DIAPH3: variants seen among roughly 807,000 people sequenced by gnomAD.
DIAPH3 encodes the protein diaphanous related formin 3, also known as protein diaphanous homolog 3.
DIAPH3 carries 117 observed loss-of-function variants against 144.3 expected under a neutral mutation model. The ratio of observed to expected loss-of-function variants is 0.81; its 90% CI spans 0.70 to 0.95. The LOEUF is 0.95. DIAPH3 is among the 40% of genes least tolerant of loss of function. The pLI is 0.00. For synonymous variants in DIAPH3, 519 were observed against 488.9 expected, an observed-to-expected ratio of 1.06 and a Z score of -0.81; for missense variants, 1,421 against 1,412.7, an observed-to-expected ratio of 1.01 and a Z score of -0.09.
chr13:59,837,119 T>G (rs2042080248), intron 23 of DIAPH3, among the ~76,000 whole-genome samples: 1 of 152,024 alleles, frequency 6.6e-6, no homozygotes, highest in South Asian at 2.1e-4. Context: ...ATTATAAGCT[T>G]TGTCAATAGC....
chr13:59,966,631 A>G (rs1442534027), intron 17 of DIAPH3, among the ~76,000 whole-genome samples: 5 of 152,154 alleles, frequency 3.3e-5, no homozygotes, highest in African/African-American at 1.2e-4. Flanking sequence ...AAAAAGCCCC[A>G]CTTACTTGAC....
chr13:59,719,069 T>C (rs1357914718), intron 27 of DIAPH3, among the ~76,000 whole-genome samples: 2 of 152,206 alleles, frequency 1.3e-5, no homozygotes, highest in Non-Finnish European at 2.9e-5. Flanking sequence ...TTTTTCTAAA[T>C]AGCACTCAAT....
chr13:59,800,052 T>C (rs540209901), intron 25 of DIAPH3, among the ~76,000 whole-genome samples: 2 of 152,240 alleles, frequency 1.3e-5, no homozygotes, highest in South Asian at 2.1e-4. Context: ...ATACACCAAA[T>C]TGTCAAAACT....
At chr13:59,929,649 G>A (rs1397287442) in intron 17 of DIAPH3, among the ~76,000 whole-genome samples, 3 of 127,378 alleles carry the variant, frequency 2.4e-5, no homozygotes, top group South Asian at 2.8e-4. Flanking sequence ...TGCAACCTCC[G>A]CCTCCCAGGT....
chr13:59,696,788 G>A (rs780941158), intron 27 of DIAPH3, among the ~76,000 whole-genome samples: 1 of 152,010 alleles, frequency 6.6e-6, no homozygotes, highest in South Asian at 2.1e-4. Flanking sequence ...GTAGGTTCCC[G>A]ATTTTATGTA....
At chr13:60,067,597 G>A (rs368032833) in intron 4 of DIAPH3, among the ~76,000 whole-genome samples, 3 of 152,254 alleles carry the variant, frequency 2.0e-5, no homozygotes, top group South Asian at 4.1e-4. Context: ...TATGCCTGGA[G>A]ATTTATTTTA....
At chr13:59,726,460 G>T (rs891420972) in intron 27 of DIAPH3, among the ~76,000 whole-genome samples, 2 of 152,158 alleles carry the variant, frequency 1.3e-5, no homozygotes, top group African/African-American at 2.4e-5. Flanking sequence ...GCTCTTATCT[G>T]ACTTTCCTAT....
chr13:60,141,316 A>AT (rs1378337605), intron 1 of DIAPH3, among the ~76,000 whole-genome samples: 2 of 123,178 alleles, frequency 1.6e-5, no homozygotes, highest in Non-Finnish European at 3.5e-5. Context: ...CATAATTCTA[A>AT]TTTTTTCTAC....
chr13:59,867,278 AGAGT>A (rs1303361646), intron 21 of DIAPH3, among the ~76,000 whole-genome samples: 2 of 151,396 alleles, frequency 1.3e-5, no homozygotes, highest in Non-Finnish European at 2.9e-5. Flanking sequence ...CATAGATGAC[AGAGT>A]GAGACCTGGC....
chr13:59,848,444 C>T (rs1391516814), intron 22 of DIAPH3, among the ~76,000 whole-genome samples: 1 of 151,370 alleles, frequency 6.6e-6, no homozygotes, highest in Non-Finnish European at 1.5e-5. Flanking sequence ...TTAGGTATAT[C>T]TCCCAGTGCT....
At chr13:60,042,428 A>G (rs543469349) in intron 5 of DIAPH3, among the ~76,000 whole-genome samples, 1 of 152,316 alleles carries the variant, frequency 6.6e-6, no homozygotes, top group South Asian at 2.1e-4. Flanking sequence ...TCACATGACA[A>G]TTGTCTTTTA....
rs140993582 is a variant in DIAPH3, at chr13:59,847,583, G to C, written c.2738-8135C>G. Among the ~76,000 whole-genome samples the C allele has an allele frequency of 3.3e-5, 5 of 152,266 alleles. 1 individual carries two copies. The highest frequency in any genetic ancestry group is 9.6e-5 in the African/African-American group (4 of 41,554). On this transcript the variant is annotated intron_variant, in intron 22 of 27. Transcript: ENST00000400324. ...CTTAGATAAGATGTTCAAAACCATG[G>C]TATAAATATTACATAAGAGGTGCAT...
intron 27 of DIAPH3, among the ~76,000 whole-genome samples, chr13:59,759,464 G>C (rs1035095694): frequency 6.6e-6 from 1 of 152,098 alleles, no homozygotes; most frequent in African/African-American, 2.4e-5. Flanking sequence ...CTACAACATA[G>C]TACCTAGAGT....
At chr13:60,098,213 G>A (rs2058164971) in intron 3 of DIAPH3, among the ~76,000 whole-genome samples, 1 of 152,206 alleles carries the variant, frequency 6.6e-6, no homozygotes, top group Non-Finnish European at 1.5e-5. Flanking sequence ...TCAGGTGCAG[G>A]TGGGGCTGCT....
At chr13:59,925,527 G>A (rs1384188704) in intron 17 of DIAPH3, among the ~76,000 whole-genome samples, 1 of 152,072 alleles carries the variant, frequency 6.6e-6, no homozygotes, top group Non-Finnish European at 1.5e-5. Context: ...TTTATGTTGG[G>A]TCCTCGTCTT....
chr13:60,024,658 G>A (rs2054262806), intron 5 of DIAPH3, among the ~76,000 whole-genome samples: 1 of 152,022 alleles, frequency 6.6e-6, no homozygotes, highest in South Asian at 2.1e-4. Flanking sequence ...TTCTTGGTAT[G>A]ACCATATTTT....
intron 5 of DIAPH3, among the ~76,000 whole-genome samples, chr13:60,039,477 T>C (rs1196189290): frequency 6.6e-6 from 1 of 152,104 alleles, no homozygotes; most frequent in African/African-American, 2.4e-5. Flanking sequence ...ATAATTTTTG[T>C]ATTTTTAGTA....
intron 5 of DIAPH3, among the ~76,000 whole-genome samples, chr13:60,039,493 G>A (rs1276138781): frequency 2.0e-5 from 3 of 151,864 alleles, no homozygotes; most frequent in Non-Finnish European, 2.9e-5. Flanking sequence ...TAGTAGAGAC[G>A]GGGTTTCACC....
At chr13:59,908,394 A>AT (rs2046840278) in intron 20 of DIAPH3, among the ~76,000 whole-genome samples, 1 of 31,518 alleles carries the variant, frequency 3.2e-5, no homozygotes, top group African/African-American at 6.4e-5. Context: ...AAAAAAAAAA[A>AT]GTAAGACATT....
Sources: allele counts gnomAD v4.1 joint callset (sites outside exome capture counted in the v4.1 genomes callset), GRCh38; gene constraint gnomAD v4.1.1; transcripts MANE v1.5; gene names NCBI Gene and HGNC (gene_info 2026-07-23, HGNC 2026-07-21).